The following PDS5B variants were observed in gnomAD, a reference collection of about 807,000 sequenced individuals.
PDS5B encodes the protein PDS5 cohesin associated factor B, also known as sister chromatid cohesion protein PDS5 homolog B.
In PDS5B, 51 loss-of-function variants were observed where a neutral mutation model predicts 184.1. That is an observed-to-expected ratio of 0.28 (90% CI 0.22 to 0.35). The LOEUF (loss-of-function observed/expected upper bound fraction) is 0.35, where lower values mean the gene tolerates loss of function less well. PDS5B is among the 10% of genes least tolerant of loss of function. The probability of loss-of-function intolerance (pLI) is 1.00; values close to 1 mark genes in which losing one functional copy is unlikely to be tolerated. For synonymous variants in PDS5B, 566 were observed against 569.2 expected, an observed-to-expected ratio of 0.99 and a Z score of 0.08; for missense variants, 1,180 against 1,723.3, an observed-to-expected ratio of 0.68 and a Z score of 5.58.
At chr13:32,746,445 G>T (rs1953745553) in intron 24 of PDS5B, among the ~76,000 whole-genome samples, 2 of 152,102 alleles carry the variant, frequency 1.3e-5, no homozygotes, top group Non-Finnish European at 2.9e-5. Flanking sequence ...ATACAGCCTT[G>T]TTTTATGTAT....
intron 1 of PDS5B, among the ~76,000 whole-genome samples, chr13:32,631,573 A>G (rs2140574788): frequency 6.6e-6 from 1 of 152,316 alleles, no homozygotes; most frequent in South Asian, 2.1e-4. Flanking sequence ...TTTGTTGTTG[A>G]AAGAATGAAT....
chr13:32,655,760 C>G (rs1009546791), intron 3 of PDS5B, among the ~76,000 whole-genome samples: 10 of 152,036 alleles, frequency 6.6e-5, no homozygotes, highest in African/African-American at 1.9e-4. Context: ...ATATGGTTTG[C>G]AAATATTTTC....
At chr13:32,673,451 G>A (rs1042678932) in intron 8 of PDS5B, 95 bp downstream of exon 8, 2 of 1,006,976 alleles carry the variant, frequency 2.0e-6, no homozygotes, top group African/African-American at 1.6e-5. Flanking sequence ...TTAACTGAAT[G>A]TAAGAGATGA....
At chr13:32,664,587 G>C (rs1950735114) in intron 6 of PDS5B, among the ~76,000 whole-genome samples, 1 of 152,174 alleles carries the variant, frequency 6.6e-6, no homozygotes, top group Non-Finnish European at 1.5e-5. Context: ...ACCGAGGCCA[G>C]GCTCACTAGC....
chr13:32,594,269 A>G (rs937359723), intron 1 of PDS5B, among the ~76,000 whole-genome samples: 8 of 132,616 alleles, frequency 6.0e-5, no homozygotes, highest in Non-Finnish European at 1.2e-4. Context: ...AACTTTTTGC[A>G]GGGAGACTGT....
chr13:32,740,184 G>A (rs533207118), intron 21 of PDS5B, among the ~76,000 whole-genome samples: 132 of 152,226 alleles, frequency 8.7e-4, no homozygotes, highest in African/African-American at 3.1e-3. Context: ...TGAAAATTCA[G>A]AGCATTGTTT....
chr13:32,710,578 A>G (rs1173971787), intron 19 of PDS5B, among the ~76,000 whole-genome samples: 1 of 152,206 alleles, frequency 6.6e-6, no homozygotes, highest in Non-Finnish European at 1.5e-5. Flanking sequence ...ATTTCCCATA[A>G]TTGCAAATTG....
In PDS5B at chr13:32,741,699, C is replaced by CTGTGTGTGTGTGTG. The variant is rs3050179; in HGVS notation, c.2475+581_2475+594dup. On this transcript the variant is annotated intron_variant, in intron 22 of 34. Transcript: ENST00000315596. ...GTAATTTCTTATAAACCCTTTCAGT[C>CTGTGTGTGTGTGTG]TGTGTGTGTGTGTGTGTGTGTGTGT... is the stretch of plus-strand genomic sequence containing the variant. Among the ~76,000 whole-genome samples, 207 of 139,276 alleles carry CTGTGTGTGTGTGTG rather than the reference C, an allele frequency of 1.5e-3. 1 individual carries two copies. Among genetic ancestry groups the CTGTGTGTGTGTGTG allele is most frequent in the South Asian group, 6.3e-3 (26 of 4,152 alleles). The allele number at this position is 139,276 out of a possible 152,430, so 91.4% of individuals were successfully genotyped here.
chr13:32,681,194 C>G (rs759975023), intron 10 of PDS5B, among the ~76,000 whole-genome samples: 15 of 152,154 alleles, frequency 9.9e-5, no homozygotes, highest in Non-Finnish European at 2.2e-4. Context: ...TGAGGGCTTG[C>G]GGTATCTCAT....
intron 19 of PDS5B, among the ~76,000 whole-genome samples, chr13:32,725,396 A>G (rs868407416): frequency 2.6e-5 from 4 of 152,114 alleles, no homozygotes; most frequent in Middle Eastern, 3.4e-3. Flanking sequence ...CTTTGAAACA[A>G]TCCCAATAAT....
At chr13:32,689,510 C>T (rs1257534752) in intron 13 of PDS5B, 3 of 151,978 alleles carry the variant, frequency 2.0e-5, no homozygotes, top group Admixed American at 6.6e-5. Context: ...TCTGATTGCC[C>T]ACAAAGCTTA....
At chr13:32,588,100 T>A (rs1036546235) in intron 1 of PDS5B, among the ~76,000 whole-genome samples, 1 of 152,204 alleles carries the variant, frequency 6.6e-6, no homozygotes, top group Non-Finnish European at 1.5e-5. Flanking sequence ...GCCACAAATA[T>A]GGACTTGAAA....
chr13:32,733,743 A>G (rs1443196833), intron 20 of PDS5B, among the ~76,000 whole-genome samples: 1 of 152,182 alleles, frequency 6.6e-6, no homozygotes, highest in Non-Finnish European at 1.5e-5. Context: ...GCAAAAAAGA[A>G]TATACGGTGA....
At position 32,635,341 on chromosome 13, in the gene PDS5B, CT is replaced by C. The variant is rs576811097; in HGVS notation, c.-19-13393del. Among the ~76,000 whole-genome samples, 503 of 103,798 alleles carry C rather than the reference CT, an allele frequency of 4.8e-3. 2 individuals are homozygous for C. The highest frequency in any genetic ancestry group is 0.013 in the African/African-American group (328 of 25,914). 68.1% of individuals were successfully genotyped at this position (103,798 alleles called of 152,430 possible). A position where few individuals can be genotyped will look rare whatever the true frequency, so the allele number is the denominator to read the frequency against. ...GTGTGAGCCACTATGCCTGGCCTGT[CT>C]TTTTTTTTTTTTTTTTTTTAAAGAC... On this transcript the variant is annotated intron_variant, in intron 1 of 34. Coordinates refer to ENST00000315596, the MANE Select transcript of PDS5B (RefSeq NM_015032.4).
At chr13:32,719,383 A>G (rs1231676715) in intron 19 of PDS5B, among the ~76,000 whole-genome samples, 1 of 152,048 alleles carries the variant, frequency 6.6e-6, no homozygotes, top group Non-Finnish European at 1.5e-5. Flanking sequence ...GGGTTTTGCC[A>G]TGTTGCCCAC....
At chr13:32,665,804 A>G (rs1400404051) in intron 6 of PDS5B, among the ~76,000 whole-genome samples, 1 of 152,132 alleles carries the variant, frequency 6.6e-6, no homozygotes, top group Non-Finnish European at 1.5e-5. Flanking sequence ...TGGTATATGT[A>G]TACAATGGAA....
chr13:32,716,290 G>A (rs1467234075), intron 19 of PDS5B, among the ~76,000 whole-genome samples: 2 of 151,948 alleles, frequency 1.3e-5, no homozygotes, highest in Admixed American at 6.5e-5. Flanking sequence ...CCTCTGAGAT[G>A]TGGGGAGCGC....
At position 32,770,899 on chromosome 13, in the gene PDS5B, ACTTAC is replaced by A. The variant is rs559619976; in HGVS notation, c.4172+143_4172+147del. On this transcript the variant is annotated intron_variant, in intron 33 of 34. Transcript: ENST00000315596. The stretch of plus-strand genomic sequence containing the variant: ...ACTAGGTAAGATAAAATTTTTATAA[ACTTAC>A]CTTAGTGATTGATATCTCAATAAAC... 3.5e-4 allele frequency: 230 copies of A among 654,438 alleles called. No individual in the cohort carries two copies. In the African/African-American group the frequency reaches 3.8e-3, roughly 11 times the overall value. 40.5% of individuals were successfully genotyped at this position (654,438 alleles called of 1,614,324 possible).
intron 6 of PDS5B, among the ~76,000 whole-genome samples, chr13:32,663,459 A>G (rs750806103): frequency 2.6e-5 from 4 of 152,214 alleles, no homozygotes; most frequent in African/African-American, 4.8e-5. Context: ...TATGTTAGTG[A>G]TAGACTAAGA....
Sources: gnomAD v4.1 joint callset for allele counts (sites outside exome capture counted in the v4.1 genomes callset) on GRCh38, gnomAD v4.1.1 for gene constraint, MANE v1.5 for transcripts, NCBI Gene and HGNC (gene_info 2026-07-23, HGNC 2026-07-21) for gene names.